PES1: variants seen among roughly 807,000 people sequenced by gnomAD.
PES1 encodes pescadillo homolog.
Under a neutral mutation model 77.1 loss-of-function variants are expected in PES1, and 31 were observed. The observed-to-expected ratio is 0.40, with a 90% CI of 0.30 to 0.54. The LOEUF (loss-of-function observed/expected upper bound fraction) is 0.54, where lower values mean the gene tolerates loss of function less well. Among genes scored for constraint, PES1 ranks in the 20% least tolerant of loss-of-function variants. The probability of loss-of-function intolerance (pLI) is 0.45; values close to 1 mark genes in which losing one functional copy is unlikely to be tolerated. For missense variants in PES1, 658 were observed against 771.7 expected (o/e 0.85, Z 1.75); for synonymous variants, 282 against 303.0 (o/e 0.93, Z 0.72).
chr22:30,583,044 T>A (rs1424245575), intron 6 of PES1, among the ~76,000 whole-genome samples: 1 of 152,102 alleles, frequency 6.6e-6, no homozygotes, highest in Admixed American at 6.5e-5. Context: ...GGGCCAGCTG[T>A]GTGGAGGCCG....
chr22:30,597,877 G>GTTTTTTTTTTTTTTTTTTTTT (rs869064352), intron 2 of PES1, among the ~76,000 whole-genome samples: 1 of 90,576 alleles, frequency 1.1e-5, no homozygotes, highest in Admixed American at 1.1e-4. Context: ...CGCAGTTGAA[G>GTTTTTTTTTTTTTTTTTTTTT]TTTTGTTTTT....
intron 9 of PES1, 56 bp downstream of exon 9, chr22:30,580,955 GA>G: frequency 6.8e-7 from 1 of 1,471,104 alleles, no homozygotes; most frequent in Admixed American, 1.8e-5. Context: ...CCTAAGCTGG[GA>G]AACCCCCCAC....
chr22:30,597,298 G>A (rs1275574779), intron 2 of PES1, among the ~76,000 whole-genome samples: 1 of 151,984 alleles, frequency 6.6e-6, no homozygotes, highest in African/African-American at 2.4e-5. Flanking sequence ...CTGCCAGTAT[G>A]AGCTCCAGTA....
chr22:30,581,279 G>A (rs1000462469), intron 8 of PES1, 55 bp downstream of exon 8: 1 of 1,575,572 alleles, frequency 6.3e-7, no homozygotes, highest in African/African-American at 1.3e-5. Flanking sequence ...AGAGGTGTTG[G>A]GGACAGAGAC....
At chr22:30,605,352 C>T in intron 2 of PES1, 1 of 461,496 alleles carries the variant, frequency 2.2e-6, no homozygotes, top group Non-Finnish European at 2.8e-6. Flanking sequence ...CACCCTCTAG[C>T]ACTGAGTCCA....
chr22:30,591,973 C>G (rs16988803), upstream of PES1: 68 of 1,399,146 alleles, frequency 4.9e-5, no homozygotes, highest in African/African-American at 5.9e-5. Flanking sequence ...GATGCCTGTA[C>G]AAGTCCAGGG....
chr22:30,604,137 C>A (rs895442374), intron 2 of PES1: 2 of 152,170 alleles, frequency 1.3e-5, no homozygotes, highest in Non-Finnish European at 2.9e-5. Flanking sequence ...ATGCTGAGTC[C>A]AGAAACACCT....
At chr22:30,595,830 A>G (rs1252949198), upstream of PES1, among the ~76,000 whole-genome samples, 1 of 152,134 alleles carries the variant, frequency 6.6e-6, no homozygotes, top group Non-Finnish European at 1.5e-5. Context: ...AATCCGGTCA[A>G]ACTCAGCTGA....
At chr22:30,592,335 G>A (rs2087196034), upstream of PES1, 10 of 990,042 alleles carry the variant, frequency 1.0e-5, no homozygotes, top group Non-Finnish European at 1.2e-5. Context: ...CCGAGGGGCA[G>A]GGTGAGACTG....
At chr22:30,577,320 C>T (rs2086916126) in intron 14 of PES1, among the ~76,000 whole-genome samples, 191 bp from the exon 15 acceptor site, 1 of 152,216 alleles carries the variant, frequency 6.6e-6, no homozygotes, top group Admixed American at 6.5e-5. Flanking sequence ...AACATTATTT[C>T]ATGGGCCCAC....
chr22:30,580,989 C>A, intron 9 of PES1, 23 bp downstream of exon 9: 1 of 1,600,808 alleles, frequency 6.2e-7, no homozygotes, highest in Non-Finnish European at 8.5e-7. Context: ...AGCCCTCCTG[C>A]CAGAAGGCAG....
chr22:30,593,410 C>G (rs986839397), upstream of PES1, among the ~76,000 whole-genome samples: 1 of 152,004 alleles, frequency 6.6e-6, no homozygotes, highest in Non-Finnish European at 1.5e-5. Flanking sequence ...TTTATTGAAC[C>G]CAGGAGGTAG....
At chr22:30,597,860 T>A (rs936022983) in intron 2 of PES1, among the ~76,000 whole-genome samples, 1 of 144,324 alleles carries the variant, frequency 6.9e-6, no homozygotes, top group African/African-American at 2.6e-5. Context: ...GCTCGGTTTT[T>A]TTTCCACGCA....
At chr22:30,594,759 A>G (rs989365062), upstream of PES1, among the ~76,000 whole-genome samples, 2 of 152,028 alleles carry the variant, frequency 1.3e-5, no homozygotes, top group African/African-American at 2.4e-5. Context: ...ACTTGAGCCC[A>G]GGAGTTTGAA....
upstream of PES1, among the ~76,000 whole-genome samples, chr22:30,594,916 C>T (rs1293406671): frequency 6.6e-6 from 1 of 152,150 alleles, no homozygotes; most frequent in East Asian, 1.9e-4. Flanking sequence ...CGCTTGGGCT[C>T]AGGAGGTTGA....
At chr22:30,592,432 C>A, upstream of PES1, 1 of 984,906 alleles carries the variant, frequency 1.0e-6, no homozygotes, top group Non-Finnish European at 1.2e-6. Flanking sequence ...TTTTTCCTCG[C>A]GGAGGTATAG....
intron 1 of PES1, among the ~76,000 whole-genome samples, chr22:30,606,005 C>CA (rs2087433905): frequency 6.6e-6 from 1 of 152,202 alleles, no homozygotes; most frequent in Admixed American, 6.5e-5. Flanking sequence ...CCTCTCTTCT[C>CA]ACACAGGAAG....
At chr22:30,606,847 C>G (rs1330774733) in exon 1 of PES1, 2 of 1,015,916 alleles carry the variant, frequency 2.0e-6, no homozygotes, top group Non-Finnish European at 2.4e-6. Flanking sequence ...CACTCCTTGT[C>G]CTGGGCTAGG....
At chr22:30,589,088 A>C (rs2087137116) in intron 2 of PES1, 103 bp downstream of exon 2, 1 of 776,174 alleles carries the variant, frequency 1.3e-6, no homozygotes, top group Non-Finnish European at 2.1e-6. Context: ...AAGGAATACC[A>C]GAACCCCAGA....
Sources: gnomAD v4.1 joint callset for allele counts (sites outside exome capture counted in the v4.1 genomes callset) on GRCh38, gnomAD v4.1.1 for gene constraint, MANE v1.5 for transcripts, NCBI Gene and HGNC (gene_info 2026-07-23, HGNC 2026-07-21) for gene names.